The following PTPN3 variants were observed in gnomAD, a reference collection of about 807,000 sequenced individuals.
PTPN3 encodes the protein tyrosine-protein phosphatase non-receptor type 3.
PTPN3 carries 96 observed loss-of-function variants against 132.7 expected under a neutral mutation model. The ratio of observed to expected loss-of-function variants is 0.72; its 90% confidence interval spans 0.61 to 0.86. PTPN3 has a LOEUF of 0.86. PTPN3 is among the 40% of genes least tolerant of loss of function. The pLI is 0.00. For synonymous variants in PTPN3, 398 were observed against 429.0 expected, an observed-to-expected ratio of 0.93 and a Z score of 0.89; for missense variants, 1,125 against 1,159.6, an observed-to-expected ratio of 0.97 and a Z score of 0.43.
chr9:109,411,048 A>C (rs1267328251), intron 14 of PTPN3, among the ~76,000 whole-genome samples: 1 of 152,156 alleles, frequency 6.6e-6, no homozygotes, highest in African/African-American at 2.4e-5. Context: ...TGGCTACTTA[A>C]ATTTAAATAA....
At chr9:109,485,874 ACT>A (rs1237153337) in intron 1 of PTPN3, among the ~76,000 whole-genome samples, 2 of 152,344 alleles carry the variant, frequency 1.3e-5, no homozygotes, top group Non-Finnish European at 1.5e-5. Context: ...CTATTTAGTA[ACT>A]CTGAAGAAAA....
chr9:109,517,424 T>G, the PTPN3 span, among the ~76,000 whole-genome samples: 1 of 152,342 alleles, frequency 6.6e-6, no homozygotes, highest in East Asian at 1.9e-4. Context: ...AGTTAAGAAT[T>G]ATTGTAATTC....
intron 7 of PTPN3, among the ~76,000 whole-genome samples, chr9:109,444,516 T>C (rs1157095208): frequency 2.0e-5 from 3 of 152,200 alleles, no homozygotes; most frequent in Non-Finnish European, 2.9e-5. Flanking sequence ...AAATCCAGAC[T>C]GATTTTCAAA....
At chr9:109,428,450 T>G (rs1181264899) in intron 11 of PTPN3, among the ~76,000 whole-genome samples, 171 bp downstream of exon 11, 2 of 152,146 alleles carry the variant, frequency 1.3e-5, no homozygotes, top group Non-Finnish European at 2.9e-5. Context: ...CTGAAGTAAC[T>G]TAAAAACACA....
chr9:109,386,962 GGACA>G (rs1229125248), intron 22 of PTPN3, among the ~76,000 whole-genome samples: 1 of 152,172 alleles, frequency 6.6e-6, no homozygotes. Context: ...AGGGTTTGGG[GGACA>G]GAGAGGGGAG....
In PTPN3 at chr9:109,410,476, C is replaced by G. The variant is rs1052512014; in HGVS notation, c.1314-61G>C. The G allele has an allele frequency of 9.0e-6, 14 of 1,549,630 alleles. No homozygotes were observed. In the African/African-American group the frequency reaches 1.8e-4, roughly 20 times the overall value. On this transcript the variant is annotated intron_variant, in intron 14 of 25. Transcript: ENST00000374541. ...GGTTAATATTTTATTAGAGCAAACA[C>G]TACTGACTGTAGGGGCCTGGCAGCT...
At chr9:109,472,377 C>T (rs948639355) in intron 1 of PTPN3, among the ~76,000 whole-genome samples, 15 of 152,228 alleles carry the variant, frequency 9.9e-5, no homozygotes, top group Non-Finnish European at 2.2e-4. Context: ...AAGATGCATA[C>T]ATTTTGTGCT....
intron 5 of PTPN3, among the ~76,000 whole-genome samples, chr9:109,452,154 G>A (rs1845292454): frequency 6.6e-6 from 1 of 151,692 alleles, no homozygotes; most frequent in Non-Finnish European, 1.5e-5. Context: ...TGTAGTCCTA[G>A]CTACTCAGGA....
chr9:109,379,512 G>C lies in PTPN3; in HGVS notation c.*44C>G. ...GAGAGGTCTGTCCTCCTCTTTCAAGGAGGATGCCCTTGGGAAAGAGGAATG... is the reference window on the plus strand; with the variant it reads ...GAGAGGTCTGTCCTCCTCTTTCAAGCAGGATGCCCTTGGGAAAGAGGAATG... On this transcript the variant is annotated 3_prime_UTR_variant, in exon 26 of 26. Coordinates refer to ENST00000374541, the MANE Select transcript of PTPN3 (RefSeq NM_002829.4). The C allele has an allele frequency of 6.4e-7, 1 of 1,550,836 alleles. No individual in the cohort carries two copies. Among genetic ancestry groups the C allele is most frequent in the African/African-American group, 1.4e-5 (1 of 73,540 alleles).
chr9:109,428,908 T>C (rs1375429384), intron 10 of PTPN3: 1 of 985,324 alleles, frequency 1.0e-6, no homozygotes, highest in Non-Finnish European at 1.2e-6. Flanking sequence ...TGGATTATGA[T>C]GTAGCTTTTA....
chr9:109,438,206 T>A lies in PTPN3; in HGVS notation c.495A>T (p.Ile165=). The change falls in exon 8 of 26, where the codon ATA becomes ATT. Residue 165 remains isoleucine, a synonymous_variant. Coordinates refer to ENST00000374541, the MANE Select transcript of PTPN3 (RefSeq NM_002829.4). ...TATCGGAAAGATAGCCTGGATGATGTATGGAAGAATTATAGTCTCCAAAAT... is the reference window on the plus strand; with the variant it reads ...TATCGGAAAGATAGCCTGGATGATGAATGGAAGAATTATAGTCTCCAAAAT... ...QSHFGDYNSS[I]HHPGYLSDSH... is the part of the protein sequence containing the mutation. 6.2e-7 allele frequency: 1 copy of A among 1,613,048 alleles called. No homozygotes were observed. Among genetic ancestry groups the A allele is most frequent in the Non-Finnish European group, 8.5e-7 (1 of 1,179,170 alleles).
In PTPN3 at chr9:109,420,330, T is replaced by A. The variant is rs534694637; in HGVS notation, c.1313+94A>T. ...GTGGGAGCTGGCTGCAGGCACCAGC[T>A]CTTGGTTCCTCTCAAATGGCAACCT... On this transcript the variant is annotated intron_variant, in intron 14 of 25. Coordinates refer to ENST00000374541, the MANE Select transcript of PTPN3 (RefSeq NM_002829.4). 6.0e-6 allele frequency: 8 copies of A among 1,327,026 alleles called. No individual in the cohort carries two copies. In the South Asian group the frequency reaches 1.3e-4, roughly 21 times the overall value. 82.2% of individuals were successfully genotyped at this position (1,327,026 alleles called of 1,614,324 possible).
intron 5 of PTPN3, among the ~76,000 whole-genome samples, chr9:109,453,214 A>G (rs144588686): frequency 0.011 from 1,633 of 152,322 alleles, 17 homozygotes; most frequent in Middle Eastern, 0.037. Context: ...GCCTTTCAAC[A>G]TATTACAAGT....
chr9:109,445,166 A>G, intron 7 of PTPN3, 74 bp downstream of exon 7: 1 of 1,466,116 alleles, frequency 6.8e-7, no homozygotes, highest in Non-Finnish European at 9.5e-7. Context: ...GTCAAGCAGG[A>G]GGAACCAGTG....
chr9:109,510,576 A>AAT, the PTPN3 span, among the ~76,000 whole-genome samples: 206 of 47,294 alleles, frequency 4.4e-3, 3 homozygotes, highest in Non-Finnish European at 5.4e-3. Flanking sequence ...AAAAAAAAAA[A>AAT]ATATATATAT....
chr9:109,468,819 A>G (rs928430244), intron 1 of PTPN3, among the ~76,000 whole-genome samples: 4 of 152,248 alleles, frequency 2.6e-5, no homozygotes, highest in Non-Finnish European at 4.4e-5. Flanking sequence ...CAGGCACTCA[A>G]TGAAAGGCAT....
At chr9:109,434,070 T>A (rs1843858670) in intron 9 of PTPN3, among the ~76,000 whole-genome samples, 1 of 152,022 alleles carries the variant, frequency 6.6e-6, no homozygotes, top group Non-Finnish European at 1.5e-5. Flanking sequence ...ACAAATAAAA[T>A]TTAAAAATAA....
intron 2 of PTPN3, among the ~76,000 whole-genome samples, chr9:109,459,778 G>A (rs750438200): frequency 1.3e-5 from 2 of 152,096 alleles, no homozygotes; most frequent in African/African-American, 2.4e-5. Flanking sequence ...TTTTCACAGA[G>A]CTGATCACTC....
At chr9:109,391,754 T>A (rs1463675235) in intron 19 of PTPN3, among the ~76,000 whole-genome samples, 193 bp from the exon 20 acceptor site, 1 of 151,742 alleles carries the variant, frequency 6.6e-6, no homozygotes, top group Non-Finnish European at 1.5e-5. Context: ...TAATAATTTT[T>A]TTTTTTAATT....
Sources: allele counts gnomAD v4.1 joint callset (sites outside exome capture counted in the v4.1 genomes callset), GRCh38; gene constraint gnomAD v4.1.1; transcripts MANE v1.5; gene names NCBI Gene and HGNC (gene_info 2026-07-23, HGNC 2026-07-21).